Variants in TMEM178B observed in about 807,000 individuals in gnomAD.
The protein encoded by TMEM178B is transmembrane protein 178B.
Under a neutral mutation model 31.0 loss-of-function variants are expected in TMEM178B, and 5 were observed. The ratio of observed to expected loss-of-function variants is 0.16; its 90% CI spans 0.08 to 0.34. The LOEUF (loss-of-function observed/expected upper bound fraction) is 0.34. Ranked by LOEUF, TMEM178B falls within the 10% of genes least tolerant of loss-of-function variation. The pLI, the probability that TMEM178B is intolerant of heterozygous loss-of-function variation, is 1.00. For synonymous variants in TMEM178B, 164 were observed against 164.0 expected (o/e 1.00, Z 0.00); for missense variants, 275 against 400.3 (o/e 0.69, Z 2.67).
In TMEM178B at chr7:141,210,208, T is replaced by G. The variant is rs377388785; in HGVS notation, c.383-2383T>G. Among the ~76,000 whole-genome samples, 639 of 152,226 alleles carry G rather than the reference T, an allele frequency of 4.2e-3. 11 individuals carry two copies. The highest frequency in any genetic ancestry group is 0.034 in the South Asian group (165 of 4,820). On this transcript the variant is annotated intron_variant, in intron 1 of 3. Coordinates refer to ENST00000565468, the MANE Select transcript of TMEM178B (RefSeq NM_001195278.2). ...GGCTGGATGCGGTGGCTCATGCCTGTAATCCCAGCACTTTGGGAGGCCGAG... is the reference window on the plus strand; with the variant it reads ...GGCTGGATGCGGTGGCTCATGCCTGGAATCCCAGCACTTTGGGAGGCCGAG...
At chr7:141,223,613 C>CAT (rs1797291326) in intron 2 of TMEM178B, among the ~76,000 whole-genome samples, 1 of 151,754 alleles carries the variant, frequency 6.6e-6, no homozygotes, top group Admixed American at 6.6e-5. Flanking sequence ...CAGCCTTCCA[C>CAT]GTGCTGAGCT....
At chr7:141,437,931 G>A (rs1801578847) in intron 3 of TMEM178B, among the ~76,000 whole-genome samples, 186 bp downstream of exon 3, 1 of 152,162 alleles carries the variant, frequency 6.6e-6, no homozygotes, top group Non-Finnish European at 1.5e-5. Context: ...CCAGCTGTTG[G>A]GGATACAAAG....
At chr7:141,263,437 A>AT (rs1234890005) in intron 2 of TMEM178B, among the ~76,000 whole-genome samples, 2 of 152,128 alleles carry the variant, frequency 1.3e-5, no homozygotes, top group Non-Finnish European at 2.9e-5. Flanking sequence ...ATTGCTATTT[A>AT]TGCCAGACTT....
chr7:141,509,230 T>C, the TMEM178B span, among the ~76,000 whole-genome samples: 1 of 152,146 alleles, frequency 6.6e-6, no homozygotes, highest in South Asian at 2.1e-4. Flanking sequence ...AGATACATGG[T>C]AAATATAAAG....
intron 2 of TMEM178B, among the ~76,000 whole-genome samples, chr7:141,407,139 CATATGGCCT>C (rs1800898769): frequency 6.6e-6 from 1 of 152,150 alleles, no homozygotes; most frequent in Admixed American, 6.5e-5. Flanking sequence ...TAACAGAGAC[CATATGGCCT>C]GCAAATCTGA....
chr7:141,287,253 T>A (rs1225778263), intron 2 of TMEM178B, among the ~76,000 whole-genome samples: 1 of 152,238 alleles, frequency 6.6e-6, no homozygotes, highest in Admixed American at 6.5e-5. Flanking sequence ...TGGTTCATCT[T>A]CAGCAAGTGA....
intron 2 of TMEM178B, among the ~76,000 whole-genome samples, chr7:141,271,673 T>TCA (rs1798187593): frequency 6.6e-6 from 1 of 152,206 alleles, no homozygotes. Flanking sequence ...AGCGTTGAGC[T>TCA]CAACTCAAGG....
chr7:141,285,306 A>G, intron 2 of TMEM178B, among the ~76,000 whole-genome samples: 1 of 150,998 alleles, frequency 6.6e-6, no homozygotes, highest in Non-Finnish European at 1.5e-5. Context: ...GCCCGCCACC[A>G]CATCCTGCTA....
chr7:141,369,132 C>G (rs1194040199), intron 2 of TMEM178B, among the ~76,000 whole-genome samples: 19 of 152,166 alleles, frequency 1.2e-4, no homozygotes. Context: ...CTCAACTGTT[C>G]CTCTGGTATT....
At chr7:141,356,344 A>G (rs1392008725) in intron 2 of TMEM178B, among the ~76,000 whole-genome samples, 6 of 151,788 alleles carry the variant, frequency 4.0e-5, no homozygotes, top group African/African-American at 1.2e-4. Flanking sequence ...AATAGTGTAT[A>G]AGCTTTCTCT....
intron 2 of TMEM178B, among the ~76,000 whole-genome samples, chr7:141,340,592 T>G (rs1276997504): frequency 6.6e-6 from 1 of 152,218 alleles, no homozygotes; most frequent in East Asian, 1.9e-4. Context: ...GGAATCCGAT[T>G]GTGGCCATAC....
rs139893836 is a variant in TMEM178B at position 141,405,760 on chromosome 7, G to A, written c.497-31848G>A. ...GTCTACAAAAAAGGAGGAGGCAGGG[G>A]CCTTGAAAATGTCAGTGGGGCTCCC... is the stretch of plus-strand genomic sequence containing the variant. On this transcript the variant is annotated intron_variant, in intron 2 of 3. Coordinates refer to ENST00000565468, the MANE Select transcript of TMEM178B (RefSeq NM_001195278.2). 7.4e-4 allele frequency among the ~76,000 whole-genome samples: 113 copies of A among 152,264 alleles called. No homozygotes were observed. The East Asian group carries it at 0.021, about 28-fold the overall frequency.
Position 141,074,244 on chromosome 7 carries a change from C to G in TMEM178B, c.-67C>G, listed in dbSNP as rs1043439823. On this transcript the variant is annotated 5_prime_UTR_variant, in exon 1 of 4. Coordinates refer to ENST00000565468, the MANE Select transcript of TMEM178B (RefSeq NM_001195278.2). This position sits in a 1 kb window ranked among gnomAD's most constrained non-coding sequence, Gnocchi z 5.1. ...CAGCTCGGCCGCCCGCCGCTTTGTT[C>G]CGGGTGCGGCGAGGGAAGGCGAGGC... 7 of 1,448,318 alleles carry G rather than the reference C, an allele frequency of 4.8e-6. No individual in the cohort carries two copies. Among genetic ancestry groups the G allele is most frequent in the Non-Finnish European group, 6.3e-6 (7 of 1,102,934 alleles). The allele number at this position is 1,448,318 out of a possible 1,614,324, so 89.7% of individuals were successfully genotyped here.
intron 2 of TMEM178B, among the ~76,000 whole-genome samples, chr7:141,236,150 C>T (rs1797523934): frequency 6.6e-6 from 1 of 152,202 alleles, no homozygotes; most frequent in Admixed American, 6.5e-5. Context: ...CCACAGGTCC[C>T]TGTGAATATC....
intron 2 of TMEM178B, among the ~76,000 whole-genome samples, chr7:141,257,128 T>C (rs189436262): frequency 6.6e-6 from 1 of 152,304 alleles, no homozygotes; most frequent in East Asian, 1.9e-4. Flanking sequence ...TGTCCAGTGA[T>C]GTGGAAGGAA....
At chr7:141,248,065 C>A (rs1797767300) in intron 2 of TMEM178B, among the ~76,000 whole-genome samples, 1 of 151,710 alleles carries the variant, frequency 6.6e-6, no homozygotes, top group South Asian at 2.1e-4. Context: ...ATCTCTAAAG[C>A]ATTCTGCAAG....
intron 2 of TMEM178B, among the ~76,000 whole-genome samples, chr7:141,370,600 T>TG (rs11423366): frequency 0.41 from 62,698 of 152,006 alleles, 13,602 homozygotes; most frequent in African/African-American, 0.54. Context: ...TAGGATTTCC[T>TG]GGAAGACAAG....
intron 2 of TMEM178B, among the ~76,000 whole-genome samples, chr7:141,260,209 A>G (rs139511818): frequency 2.0e-5 from 3 of 151,762 alleles, no homozygotes; most frequent in East Asian, 3.9e-4. Context: ...GTTTTGCAGT[A>G]TACTCCAAAT....
intron 2 of TMEM178B, among the ~76,000 whole-genome samples, chr7:141,334,626 G>C (rs776431285): frequency 1.3e-5 from 2 of 152,092 alleles, no homozygotes; most frequent in Non-Finnish European, 2.9e-5. Flanking sequence ...TATTGAAGGG[G>C]GTAGGTGAAG....
Sources: gnomAD v4.1 joint callset for allele counts (sites outside exome capture counted in the v4.1 genomes callset) on GRCh38, gnomAD v4.1.1 for gene constraint, Gnocchi (gnomAD v3.1) non-coding constraint, MANE v1.5 for transcripts, NCBI Gene and HGNC (gene_info 2026-07-23, HGNC 2026-07-21) for gene names.